The following ADCY10 variants were observed in gnomAD, a reference collection of about 807,000 sequenced individuals.
The protein encoded by ADCY10 is adenylate cyclase type 10.
In ADCY10, 156 loss-of-function variants were observed where a neutral mutation model predicts 183.3. The ratio of observed to expected loss-of-function variants is 0.85; its 90% confidence interval spans 0.75 to 0.97. ADCY10 has a LOEUF of 0.97. Among genes scored for constraint, ADCY10 ranks in the 50% least tolerant of loss-of-function variants. The pLI, the probability that ADCY10 is intolerant of heterozygous loss-of-function variation, is 0.00. For missense variants in ADCY10, 1,745 were observed against 1,934.3 expected (o/e 0.90, Z 1.84); for synonymous variants, 645 against 670.0 (o/e 0.96, Z 0.58).
Position 167,835,340 on chromosome 1 carries a change from C to T in ADCY10, c.3309+969G>A, listed in dbSNP as rs1664120255. On this transcript the variant is annotated intron_variant, in intron 23 of 32. Transcript: ENST00000367851. ...TATATATCTCAGCATATCAAAGGCC[C>T]TGAAGTATCTAAAGGCATCTATTTA... Among the ~76,000 whole-genome samples the T allele has an allele frequency of 3.9e-5, 6 of 152,202 alleles. 1 individual carries two copies. The South Asian group carries it at 1.2e-3, about 32-fold the overall frequency.
rs1428279573 is a variant in ADCY10, at chr1:167,905,048, T to G, written c.93A>C (p.Pro31=). 6.2e-7 allele frequency: 1 copy of G among 1,614,116 alleles called. No individual in the cohort carries two copies. Among genetic ancestry groups the G allele is most frequent in the Non-Finnish European group, 8.5e-7 (1 of 1,180,048 alleles). Residue 31 remains proline (P), a synonymous_variant, in exon 2 of 33, where the codon CCA becomes CCC. Transcript: ENST00000367851. ...PDLIVYGHFS[P]ERPFMDYFDG... ...CAAAATAATCCATAAAGGGTCGCTC[T>G]GGGGAGAAATGTCCATAGACAATGA... is the stretch of plus-strand genomic sequence containing the variant.
chr1:167,909,678 A>C (rs537140190), intron 1 of ADCY10, among the ~76,000 whole-genome samples: 59 of 152,148 alleles, frequency 3.9e-4, no homozygotes, highest in African/African-American at 1.4e-3. Context: ...CCCCTGCTTG[A>C]GTAGATCTTG....
intron 1 of ADCY10, among the ~76,000 whole-genome samples, chr1:167,909,102 ATT>A (rs924012988): frequency 3.0e-4 from 45 of 152,222 alleles, no homozygotes; most frequent in African/African-American, 1.1e-3. Context: ...AACCTTTCTT[ATT>A]TCTAACAACA....
At chr1:167,833,225 G>T in intron 24 of ADCY10, 63 bp from the exon 25 acceptor site, 1 of 1,462,516 alleles carries the variant, frequency 6.8e-7, no homozygotes, top group Non-Finnish European at 9.6e-7. Context: ...TTAATTAGTA[G>T]GTCCCAACAA....
chr1:167,880,518 T>C lies in ADCY10; in HGVS notation c.1112A>G (p.Asp371Gly). Residue 371 changes from aspartate (D) to glycine (G), a missense_variant, in exon 10 of 33, where the codon GAC becomes GGC. Transcript: ENST00000367851. The part of the protein sequence containing the change: ...HALECAMDIF[D>G]FCSQVHKIQT... ...GATTTTGTGGACTTGAGAGCAGAAGTCAAATATATCCATAGCACATTCCAG... is the reference window on the plus strand; with the variant it reads ...GATTTTGTGGACTTGAGAGCAGAAGCCAAATATATCCATAGCACATTCCAG... 6.2e-7 allele frequency: 1 copy of C among 1,613,910 alleles called. No homozygotes were observed. The highest frequency in any genetic ancestry group is 1.1e-5 in the South Asian group (1 of 91,074).
Position 167,845,495 on chromosome 1 carries a change from T to G in ADCY10, c.3007+68A>C, listed in dbSNP as rs73039577. 89,171 of 1,539,266 alleles carry G rather than the reference T, an allele frequency of 0.058. 3,998 individuals are homozygous for G. The highest frequency in any genetic ancestry group is 0.23 in the African/African-American group (16,685 of 73,502). ...TGAAGCCCTCAAGATCCACACCCAC[T>G]CCTTCTAGATCTTAGTCTCTAGATT... On this transcript the variant is annotated intron_variant, in intron 21 of 32. Transcript: ENST00000367851.
chr1:167,822,274 GTGGATTGCAACAACCTCATGAC>G, intron 29 of ADCY10, 133 bp from the exon 30 acceptor site: 1 of 754,138 alleles, frequency 1.3e-6, no homozygotes, highest in Non-Finnish European at 2.4e-6. Flanking sequence ...AGAGGGTCCC[GTGGATTGCAACAACCTCATGAC>G]TGGATTGCCC....
intron 1 of ADCY10, among the ~76,000 whole-genome samples, chr1:167,912,950 C>T (rs1670244672): frequency 6.6e-6 from 1 of 152,118 alleles, no homozygotes; most frequent in African/African-American, 2.4e-5. Flanking sequence ...CTTGAAAGTC[C>T]CTGTTGTTTC....
In ADCY10 at chr1:167,878,551, C is replaced by T; in HGVS notation, c.1301G>A (p.Gly434Glu). 1 of 1,614,110 alleles carries T rather than the reference C, an allele frequency of 6.2e-7. No individual in the cohort carries two copies. Among genetic ancestry groups the T allele is most frequent in the East Asian group, 2.2e-5 (1 of 44,876 alleles). The change falls in exon 12 of 33, where the codon GGG becomes GAG. Residue 434 changes from glycine (G) to glutamate (E), a missense_variant. By Grantham distance (98) the Gly-to-Glu change is moderately conservative (BLOSUM62 -2). Transcript: ENST00000367851. Reference sequence around the variant, plus strand: ...AAAAAAGTACGCTGGTAGGTTGCTCCCATTGTAGGTGACAGAGTCGCAGGT... The same window carrying T: ...AAAAAAGTACGCTGGTAGGTTGCTCTCATTGTAGGTGACAGAGTCGCAGGT... ...IVTCDSVTYN[G>E]SNLPAYFFKE...
chr1:167,841,592 C>A (rs916618632), intron 21 of ADCY10, among the ~76,000 whole-genome samples: 4 of 140,180 alleles, frequency 2.9e-5, no homozygotes, highest in Non-Finnish European at 4.5e-5. Flanking sequence ...ACTGCAGTCT[C>A]AAACTTTCGG....
chr1:167,901,701 G>A lies in ADCY10; in HGVS notation c.397C>T (p.Gln133Ter). 6.2e-7 allele frequency: 1 copy of A among 1,614,054 alleles called. No homozygotes were observed. Among genetic ancestry groups the A allele is most frequent in the South Asian group, 1.1e-5 (1 of 91,078 alleles). Residue 133 changes from glutamine to a stop codon, truncating the protein, a stop_gained, in exon 5 of 33, where the codon CAG becomes TAG. Transcript: ENST00000367851. LOFTEE classifies it high-confidence loss of function. ...ATGTCTAGGCCTTCTTCCCACTCCTGGGTCTCAAACAATCCATGGATCTCC... is the reference window on the plus strand; with the variant it reads ...ATGTCTAGGCCTTCTTCCCACTCCTAGGTCTCAAACAATCCATGGATCTCC... ...SLEIHGLFET[Q>*]EWEEGLDIRV...
intron 13 of ADCY10, among the ~76,000 whole-genome samples, chr1:167,873,396 A>G (rs150753749): frequency 2.6e-3 from 400 of 152,262 alleles, no homozygotes; most frequent in African/African-American, 9.3e-3. Context: ...GGCTCTGCTG[A>G]CACCAAGATT....
At chr1:167,854,600 G>A (rs1040716100) in intron 17 of ADCY10, 111 bp from the exon 18 acceptor site, 1 of 1,368,228 alleles carries the variant, frequency 7.3e-7, no homozygotes, top group African/African-American at 1.4e-5. Context: ...TTCTTCATTT[G>A]TTTCTGTTTG....
intron 21 of ADCY10, among the ~76,000 whole-genome samples, chr1:167,838,791 A>G (rs1376546380): frequency 2.0e-5 from 3 of 152,250 alleles, no homozygotes; most frequent in Admixed American, 6.5e-5. Flanking sequence ...TTCAAAATTA[A>G]CATGATTCAA....
chr1:167,833,176 G>A lies in ADCY10; in HGVS notation c.3418-14C>T, dbSNP rs1429363643. The stretch of plus-strand genomic sequence containing the variant: ...ATTGAAACAGACCTACAGGGAGGTG[G>A]GAGGGAAGAGAGGAAAAGAGGAAAA... On this transcript the variant is annotated splice_polypyrimidine_tract_variant and intron_variant, in intron 24 of 32. Transcript: ENST00000367851. The A allele has an allele frequency of 3.7e-6, 6 of 1,613,082 alleles. No individual in the cohort carries two copies. The highest frequency in any genetic ancestry group is 2.2e-5 in the East Asian group (1 of 44,864).
chr1:167,911,215 A>C (rs1670128506), intron 1 of ADCY10, among the ~76,000 whole-genome samples: 1 of 152,246 alleles, frequency 6.6e-6, no homozygotes, highest in Non-Finnish European at 1.5e-5. Flanking sequence ...GAGGTATAAA[A>C]AGTAAAGTAG....
chr1:167,911,568 C>T (rs1670152628), intron 1 of ADCY10, among the ~76,000 whole-genome samples: 1 of 152,182 alleles, frequency 6.6e-6, no homozygotes, highest in African/African-American at 2.4e-5. Flanking sequence ...CCGATCGGGA[C>T]AAATACAGAA....
chr1:167,816,886 A>G (rs1662564848), intron 31 of ADCY10, among the ~76,000 whole-genome samples: 2 of 152,254 alleles, frequency 1.3e-5, no homozygotes, highest in South Asian at 4.1e-4. Context: ...TTGAAGAAGG[A>G]GTAAGTGGAG....
intron 9 of ADCY10, among the ~76,000 whole-genome samples, chr1:167,882,484 C>CAAAAAA (rs71100909): frequency 3.8e-4 from 27 of 71,122 alleles, no homozygotes; most frequent in Middle Eastern, 7.7e-3. Flanking sequence ...GATTCCGTCT[C>CAAAAAA]AAAAAAAAAA....
Sources: gnomAD v4.1 joint callset for allele counts (sites outside exome capture counted in the v4.1 genomes callset) on GRCh38, gnomAD v4.1.1 for gene constraint, MANE v1.5 for transcripts, NCBI Gene and HGNC (gene_info 2026-07-23, HGNC 2026-07-21) for gene names.